DZIP3: variants seen among roughly 807,000 people sequenced by gnomAD.
DZIP3 encodes DAZ interacting zinc finger protein 3.
A neutral mutation model predicts 162.0 loss-of-function variants in DZIP3; 118 were observed. That is an observed-to-expected ratio of 0.73 (90% CI 0.63 to 0.85). The LOEUF (loss-of-function observed/expected upper bound fraction) is 0.85. Among genes scored for constraint, DZIP3 ranks in the 40% least tolerant of loss-of-function variants. The pLI, the probability that DZIP3 is intolerant of heterozygous loss-of-function variation, is 0.00. For synonymous variants in DZIP3, 438 were observed against 458.6 expected, an observed-to-expected ratio of 0.96 and a Z score of 0.57; for missense variants, 1,331 against 1,407.0, an observed-to-expected ratio of 0.95 and a Z score of 0.86.
chr3:108,631,055 A>ACACACACATACTCTCTCTCT lies in DZIP3; in HGVS notation c.696+1880_696+1881insACACACATACTCTCTCTCTC. Among the ~76,000 whole-genome samples the ACACACACATACTCTCTCTCT allele has an allele frequency of 3.3e-4, 6 of 18,006 alleles. 1 individual carries two copies. The highest frequency in any genetic ancestry group is 1.7e-3 in the Admixed American group (2 of 1,176). 11.8% of individuals were successfully genotyped at this position (18,006 alleles called of 152,430 possible). On this transcript the variant is annotated intron_variant, in intron 8 of 32. Transcript: ENST00000361582. ...CACACACACACACACACACACACACACTCTCTCTCTCTCTCTCTCTCTCTC... is the reference window on the plus strand; with the variant it reads ...CACACACACACACACACACACACACACACACACATACTCTCTCTCTCTCTCTCTCTCTCTCTCTCTCTCTC...
At chr3:108,651,240 C>T in intron 18 of DZIP3, 78 bp downstream of exon 18, 1 of 503,972 alleles carries the variant, frequency 2.0e-6, no homozygotes, top group Non-Finnish European at 2.7e-6. Flanking sequence ...CACAGGCTTC[C>T]TTCCTTTGGG....
At chr3:108,617,639 G>A (rs1193277353) in intron 5 of DZIP3, among the ~76,000 whole-genome samples, 1 of 152,166 alleles carries the variant, frequency 6.6e-6, no homozygotes, top group African/African-American at 2.4e-5. Context: ...CAAAGAGACG[G>A]AAAAATAATA....
intron 19 of DZIP3, among the ~76,000 whole-genome samples, chr3:108,655,626 A>T (rs938660297): frequency 2.0e-5 from 3 of 151,898 alleles, no homozygotes; most frequent in Non-Finnish European, 4.4e-5. Context: ...GGTTCATCTC[A>T]CTGGGGATTG....
intron 23 of DZIP3, 42 bp downstream of exon 23, chr3:108,672,698 A>C (rs1168401014): frequency 6.8e-7 from 1 of 1,477,714 alleles, no homozygotes; most frequent in South Asian, 1.2e-5. Context: ...TGAGGGGAAA[A>C]GTTTTACTTG....
intron 1 of DZIP3, among the ~76,000 whole-genome samples, chr3:108,596,736 G>A (rs958122481): frequency 1.6e-4 from 24 of 152,192 alleles, no homozygotes; most frequent in African/African-American, 5.3e-4. Context: ...GCAATATTGA[G>A]TGCTTAACGT....
chr3:108,619,980 GA>G (rs1941240064), intron 5 of DZIP3, among the ~76,000 whole-genome samples: 1 of 151,886 alleles, frequency 6.6e-6, no homozygotes, highest in Non-Finnish European at 1.5e-5. Context: ...CTCATGTTCA[GA>G]GATTTGCTAG....
intron 2 of DZIP3, among the ~76,000 whole-genome samples, chr3:108,607,114 G>T (rs2107488164): frequency 6.6e-6 from 1 of 152,180 alleles, no homozygotes; most frequent in South Asian, 2.1e-4. Flanking sequence ...GGAAAAGACA[G>T]GTTTCTTTTT....
In DZIP3 at chr3:108,634,936, G is replaced by A. The variant is rs946066314; in HGVS notation, c.882G>A (p.Lys294=). The A allele has an allele frequency of 1.9e-6, 3 of 1,609,564 alleles. No individual in the cohort carries two copies. The highest frequency in any genetic ancestry group is 1.7e-4 in the Middle Eastern group (1 of 6,036). ...CVYFHKICWK[K]FKNLKYPGEN... ...ATTTCCATAAAATTTGCTGGAAAAA[G>A]TTCAAGAATTTAAAGTATCCAGGTG... The change falls in exon 10 of 33, where the codon AAG becomes AAA. Residue 294 remains lysine, a synonymous_variant. Coordinates refer to ENST00000361582, the MANE Select transcript of DZIP3 (RefSeq NM_014648.4).
intron 19 of DZIP3, among the ~76,000 whole-genome samples, chr3:108,657,535 A>C (rs1158191065): frequency 6.6e-6 from 1 of 152,208 alleles, no homozygotes; most frequent in Non-Finnish European, 1.5e-5. Context: ...CTGCAAAAAC[A>C]TGCCAAATTG....
chr3:108,634,896 A>G lies in DZIP3; in HGVS notation c.842A>G (p.Lys281Arg), dbSNP rs1225228543. 42 of 1,609,090 alleles carry G rather than the reference A, an allele frequency of 2.6e-5. No individual in the cohort carries two copies. Among genetic ancestry groups the G allele is most frequent in the Non-Finnish European group, 3.5e-5 (41 of 1,177,508 alleles). ...GGATTTTTTCAGTTAATGTGCAGTA[A>G]AAGTTGCTGTGTTTATTTCCATAAA... ...YKGFFQLMCS[K>R]SCCVYFHKIC... Residue 281 changes from lysine (K) to arginine (R), a missense_variant, in exon 10 of 33, where the codon AAA becomes AGA. Around this residue, in one of 2 missense-constraint regions of DZIP3, gnomAD observed 1,278 missense variants for 1,317.1 expected, o/e 0.97. Coordinates refer to ENST00000361582, the MANE Select transcript of DZIP3 (RefSeq NM_014648.4).
rs142229557 is a variant in DZIP3 at position 108,646,650 on chromosome 3, G to C, written c.1792+1G>C. The stretch of plus-strand genomic sequence containing the variant: ...CTACAGTCAATAACAGGCAGTCAGC[G>C]TAAGTATATTTAGAAATAAAATGTG... On this transcript the variant is annotated splice_donor_variant, in intron 15 of 32. Transcript: ENST00000361582. LOFTEE classifies it high-confidence loss of function. The C allele has an allele frequency of 3.2e-6, 5 of 1,552,166 alleles. No homozygotes were observed. Among genetic ancestry groups the C allele is most frequent in the Admixed American group, 2.2e-5 (1 of 45,600 alleles).
chr3:108,674,020 G>T (rs938006055), intron 23 of DZIP3, 58 bp from the exon 24 acceptor site: 13 of 1,266,392 alleles, frequency 1.0e-5, no homozygotes, highest in Non-Finnish European at 1.3e-5. Flanking sequence ...ATTGAGAAGA[G>T]AATGTTCCTT....
intron 19 of DZIP3, among the ~76,000 whole-genome samples, chr3:108,655,922 T>C (rs1307396526): frequency 6.6e-6 from 1 of 152,142 alleles, no homozygotes; most frequent in East Asian, 1.9e-4. Context: ...CTGAGCAAAC[T>C]GCATGGTGGC....
chr3:108,657,268 C>A (rs951024331), intron 19 of DZIP3, among the ~76,000 whole-genome samples: 15 of 152,132 alleles, frequency 9.9e-5, no homozygotes, highest in Non-Finnish European at 1.9e-4. Context: ...AAGGGAAGCC[C>A]ATCAGACTAA....
rs557783429 is a variant in DZIP3, at chr3:108,640,476, C to T, written c.1065-1962C>T. ...TTTTTTTTTTTTTGAGACGGAGTCT[C>T]GCCCTGTCACCCAGGTTGGAGTGCA... On this transcript the variant is annotated intron_variant, in intron 12 of 32. Coordinates refer to ENST00000361582, the MANE Select transcript of DZIP3 (RefSeq NM_014648.4). Among the ~76,000 whole-genome samples, 8 of 134,970 alleles carry T rather than the reference C, an allele frequency of 5.9e-5. No individual in the cohort carries two copies. The South Asian group carries it at 6.9e-4, about 12-fold the overall frequency. The allele number at this position is 134,970 out of a possible 152,430, so 88.5% of individuals were successfully genotyped here. A position where few individuals can be genotyped will look rare whatever the true frequency, so the allele number is the denominator to read the frequency against.
chr3:108,653,352 C>A (rs970955849), intron 18 of DZIP3, among the ~76,000 whole-genome samples: 1 of 151,302 alleles, frequency 6.6e-6, no homozygotes, highest in East Asian at 1.9e-4. Flanking sequence ...TCATATCACA[C>A]TCTAAGTAAA....
chr3:108,618,119 A>G lies in DZIP3; in HGVS notation c.375+1462A>G, dbSNP rs148106941. Among the ~76,000 whole-genome samples, 308 of 152,326 alleles carry G rather than the reference A, an allele frequency of 2.0e-3. 2 individuals carry two copies. The highest frequency in any genetic ancestry group is 3.1e-3 in the Admixed American group (47 of 15,294). On this transcript the variant is annotated intron_variant, in intron 5 of 32. Coordinates refer to ENST00000361582, the MANE Select transcript of DZIP3 (RefSeq NM_014648.4). ...GGGTGCAGTTGCGAATAGCATCTCT[A>G]TATTAATTTTATTCTAGTTCTTGGA...
chr3:108,690,914 C>T lies in DZIP3; in HGVS notation c.*6+11C>T. On this transcript the variant is annotated intron_variant, in intron 32 of 32. Transcript: ENST00000361582. ...AAGATCTGATACAAGGTCGGGGTGT[C>T]TATGCAAAGGAAGCTCAGTTTTCTT... 1 of 1,610,732 alleles carries T rather than the reference C, an allele frequency of 6.2e-7. No individual in the cohort carries two copies. Among genetic ancestry groups the T allele is most frequent in the East Asian group, 2.2e-5 (1 of 44,854 alleles).
chr3:108,631,481 A>G (rs552004212), intron 8 of DZIP3, among the ~76,000 whole-genome samples: 34 of 151,606 alleles, frequency 2.2e-4, no homozygotes, highest in African/African-American at 7.0e-4. Context: ...TGCTCAAGCA[A>G]TTCTTTTCCT....
Sources: allele counts gnomAD v4.1 joint callset (sites outside exome capture counted in the v4.1 genomes callset), GRCh38; gene constraint gnomAD v4.1.1; regional missense constraint gnomAD v4.1.1; transcripts MANE v1.5; gene names NCBI Gene and HGNC (gene_info 2026-07-23, HGNC 2026-07-21).